PAX7: variants seen among roughly 807,000 people sequenced by gnomAD.
The protein encoded by PAX7 is paired box protein Pax-7.
PAX7 carries 18 observed loss-of-function variants against 50.7 expected under a neutral mutation model. The ratio of observed to expected loss-of-function variants is 0.36; its 90% CI spans 0.25 to 0.53. The LOEUF (loss-of-function observed/expected upper bound fraction) is 0.53, where lower values mean the gene tolerates loss of function less well. PAX7 is among the 20% of genes least tolerant of loss of function. PAX7 has a pLI of 0.93. For missense variants in PAX7, 644 were observed against 702.9 expected (o/e 0.92, Z 0.95); for synonymous variants, 310 against 290.4 (o/e 1.07, Z -0.69).
chr1:18,661,263 T>C (rs2088595948), intron 4 of PAX7, among the ~76,000 whole-genome samples: 1 of 152,126 alleles, frequency 6.6e-6, no homozygotes, highest in Non-Finnish European at 1.5e-5. Flanking sequence ...GTAGGGGGCA[T>C]AGGGGCTGTG....
At chr1:18,678,926 T>A (rs2088860357) in intron 4 of PAX7, among the ~76,000 whole-genome samples, 1 of 152,232 alleles carries the variant, frequency 6.6e-6, no homozygotes, top group South Asian at 2.1e-4. Flanking sequence ...TGGGACTGGC[T>A]GCCTGGCCGT....
chr1:18,681,759 T>C (rs2088905450), intron 4 of PAX7, among the ~76,000 whole-genome samples: 1 of 151,096 alleles, frequency 6.6e-6, no homozygotes, highest in Admixed American at 6.6e-5. Flanking sequence ...TATTTTTATT[T>C]TTATTTTTTG....
intron 4 of PAX7, among the ~76,000 whole-genome samples, chr1:18,660,000 G>A (rs772847819): frequency 1.3e-5 from 2 of 152,222 alleles, no homozygotes; most frequent in Admixed American, 6.5e-5. Context: ...TGCCCCTTGC[G>A]TGGGGTGGTT....
Position 18,634,383 on chromosome 1 carries a change from C to T in PAX7, c.166C>T (p.Arg56Cys), listed in dbSNP as rs1392068839. 3 of 1,614,044 alleles carry T rather than the reference C, an allele frequency of 1.9e-6. No individual in the cohort carries two copies. The highest frequency in any genetic ancestry group is 1.3e-5 in the African/African-American group (1 of 74,948). Residue 56 changes from arginine (R) to cysteine (C), a missense_variant, in exon 2 of 9, where the codon CGC becomes TGC. Coordinates refer to ENST00000420770, the MANE Select transcript of PAX7 (RefSeq NM_001135254.2). This position sits in a 1 kb window ranked among gnomAD's most constrained non-coding sequence, Gnocchi z 4.0. ...INGRPLPNHI[R>C]HKIVEMAHHG... The stretch of plus-strand genomic sequence containing the variant: ...TGGGCGACCCCTGCCTAACCACATC[C>T]GCCACAAGATAGTGGAGATGGCCCA...
intron 4 of PAX7, among the ~76,000 whole-genome samples, chr1:18,668,191 A>G (rs1317784779): frequency 1.3e-5 from 2 of 152,232 alleles, no homozygotes; most frequent in Non-Finnish European, 2.9e-5. Flanking sequence ...TCCAAGGAGC[A>G]GCCCAGGCTG....
chr1:18,674,797 G>T (rs574245441), intron 4 of PAX7, among the ~76,000 whole-genome samples: 2 of 152,296 alleles, frequency 1.3e-5, no homozygotes, highest in South Asian at 2.1e-4. Context: ...TGCTGATGCT[G>T]GTTTTCTCTG....
At chr1:18,635,860 G>A (rs987613309) in intron 3 of PAX7, among the ~76,000 whole-genome samples, 11 of 151,848 alleles carry the variant, frequency 7.2e-5, no homozygotes, top group Non-Finnish European at 1.6e-4. Flanking sequence ...AGGCACGCAG[G>A]GCCAGAATGC....
chr1:18,649,292 G>A (rs563836923), intron 4 of PAX7, among the ~76,000 whole-genome samples: 2 of 152,252 alleles, frequency 1.3e-5, no homozygotes, highest in South Asian at 2.1e-4. Flanking sequence ...TGGGAATGAG[G>A]CCTTTCCCCA....
intron 4 of PAX7, among the ~76,000 whole-genome samples, chr1:18,645,147 CGCGCGTGCGT>C (rs1038803885): frequency 6.6e-6 from 1 of 152,152 alleles, no homozygotes; most frequent in Non-Finnish European, 1.5e-5. Context: ...TGTGCGCGCG[CGCGCGTGCGT>C]GCGCACGACA....
Position 18,735,851 on chromosome 1 carries a change from G to C in PAX7, c.1375G>C (p.Gly459Arg). The C allele has an allele frequency of 6.2e-7, 1 of 1,614,120 alleles. No homozygotes were observed. The highest frequency in any genetic ancestry group is 8.5e-7 in the Non-Finnish European group (1 of 1,180,024). Residue 459 changes from glycine (G) to arginine (R), a missense_variant, in exon 8 of 9, where the codon GGC (glycine) becomes CGC (arginine). Physicochemically the swap from Gly to Arg is moderately radical, Grantham distance 125. Coordinates refer to ENST00000420770, the MANE Select transcript of PAX7 (RefSeq NM_001135254.2). The surrounding 1 kb of genome is among the most constrained non-coding windows in gnomAD (Gnocchi z 4.0). Reference protein sequence around the residue: ...TTGYSVDPVAGYQYGQYGQTA... With the variant: ...TTGYSVDPVARYQYGQYGQTA... ...CGGCTACAGCGTGGACCCCGTGGCC[G>C]GCTATCAGTACGGCCAGTACGGCCA...
intron 7 of PAX7, among the ~76,000 whole-genome samples, chr1:18,732,240 T>C (rs1235673221): frequency 1.3e-5 from 2 of 152,248 alleles, no homozygotes; most frequent in Non-Finnish European, 2.9e-5. Flanking sequence ...GTCAGCTTCG[T>C]TCCTTAGGCC....
At chr1:18,641,381 G>A (rs1484696914) in intron 4 of PAX7, among the ~76,000 whole-genome samples, 1 of 152,196 alleles carries the variant, frequency 6.6e-6, no homozygotes. Context: ...GTGTTGGGGG[G>A]TGCCTTTGGG....
At chr1:18,669,965 G>A (rs1033194506) in intron 4 of PAX7, among the ~76,000 whole-genome samples, 3 of 151,408 alleles carry the variant, frequency 2.0e-5, no homozygotes, top group African/African-American at 4.9e-5. Flanking sequence ...GTGCCTGTAG[G>A]CCAGCTACTC....
chr1:18,740,236 A>G (rs1931054762), intron 8 of PAX7, among the ~76,000 whole-genome samples: 1 of 152,208 alleles, frequency 6.6e-6, no homozygotes, highest in Non-Finnish European at 1.5e-5. Context: ...CAGGCTGTGC[A>G]GCCTGTTGGG....
rs745447865 is a variant in PAX7, at chr1:18,747,516, G to A, written c.*2587G>A. ...AAATTCAGCCTTGTGTTGGCAACTCGAAACATCACCAGAGAGGTGATGTTG... is the reference window on the plus strand; with the variant it reads ...AAATTCAGCCTTGTGTTGGCAACTCAAAACATCACCAGAGAGGTGATGTTG... On this transcript the variant is annotated 3_prime_UTR_variant, in exon 9 of 9. Transcript: ENST00000420770. 3 of 214,876 alleles carry A rather than the reference G, an allele frequency of 1.4e-5. No individual in the cohort carries two copies. Among genetic ancestry groups the A allele is most frequent in the Non-Finnish European group, 2.8e-5 (3 of 106,388 alleles). The allele number at this position is 214,876 out of a possible 1,614,324, so 13.3% of individuals were successfully genotyped here.
intron 7 of PAX7, among the ~76,000 whole-genome samples, chr1:18,729,471 T>C (rs2089618438): frequency 6.6e-6 from 1 of 152,230 alleles, no homozygotes; most frequent in Non-Finnish European, 1.5e-5. Context: ...TGTATTTACA[T>C]GCAAGTGTGT....
chr1:18,651,331 G>T (rs1331070980), intron 4 of PAX7, among the ~76,000 whole-genome samples: 6 of 152,154 alleles, frequency 3.9e-5, no homozygotes, highest in African/African-American at 1.4e-4. Flanking sequence ...AAATGTATAT[G>T]CATATATTTT....
At chr1:18,666,330 C>A (rs954164721) in intron 4 of PAX7, among the ~76,000 whole-genome samples, 2 of 152,202 alleles carry the variant, frequency 1.3e-5, no homozygotes, top group Admixed American at 1.3e-4. Context: ...CACCCCTTTG[C>A]ACTTAGTGGC....
intron 8 of PAX7, among the ~76,000 whole-genome samples, chr1:18,742,357 G>C (rs1179334367): frequency 6.6e-6 from 1 of 151,872 alleles, no homozygotes; most frequent in Admixed American, 6.6e-5. Context: ...AGGGTTTCAC[G>C]GTGTTAGCCA....
Sources: gnomAD v4.1 joint callset for allele counts (sites outside exome capture counted in the v4.1 genomes callset) on GRCh38, gnomAD v4.1.1 for gene constraint, Gnocchi (gnomAD v3.1) non-coding constraint, MANE v1.5 for transcripts, NCBI Gene and HGNC (gene_info 2026-07-23, HGNC 2026-07-21) for gene names.